Variants in LOXL2 observed in about 807,000 individuals in gnomAD.
The protein encoded by LOXL2 is lysyl oxidase homolog 2.
A neutral mutation model predicts 93.0 loss-of-function variants in LOXL2; 70 were observed. That is an observed-to-expected ratio of 0.75 (90% CI 0.62 to 0.92). LOXL2 has a LOEUF of 0.92. LOXL2 is among the 40% of genes least tolerant of loss of function. The probability of loss-of-function intolerance (pLI) is 0.00; values close to 1 mark genes in which losing one functional copy is unlikely to be tolerated. For synonymous variants in LOXL2, 438 were observed against 413.2 expected, an observed-to-expected ratio of 1.06 and a Z score of -0.73; for missense variants, 973 against 1,054.9, an observed-to-expected ratio of 0.92 and a Z score of 1.08.
chr8:23,360,277 A>C lies in LOXL2; in HGVS notation c.356-12T>G, dbSNP rs1563201699. The C allele has an allele frequency of 6.3e-7, 1 of 1,584,902 alleles. No individual in the cohort carries two copies. The highest frequency in any genetic ancestry group is 8.6e-7 in the Non-Finnish European group (1 of 1,158,044). ...TAACCAGATGGGCCCTGAAGGAGGC[A>C]GAGAGGAGAGAAACCAAGTGCTGCG... On this transcript the variant is annotated splice_polypyrimidine_tract_variant and intron_variant, in intron 2 of 13. Transcript: ENST00000389131.
intron 1 of LOXL2, among the ~76,000 whole-genome samples, chr8:23,381,551 T>TTTA (rs1441931886): frequency 6.6e-6 from 1 of 152,246 alleles, no homozygotes; most frequent in East Asian, 1.9e-4. Flanking sequence ...AAGCATTCTT[T>TTTA]TTATTACTAA....
intron 8 of LOXL2, among the ~76,000 whole-genome samples, chr8:23,318,529 C>T (rs553264526): frequency 5.9e-5 from 9 of 152,158 alleles, no homozygotes; most frequent in South Asian, 2.1e-4. Flanking sequence ...CCACCTCCAT[C>T]CTCCAGATGA....
chr8:23,398,262 C>T (rs1800119044), intron 1 of LOXL2, among the ~76,000 whole-genome samples: 1 of 152,138 alleles, frequency 6.6e-6, no homozygotes, highest in South Asian at 2.1e-4. Context: ...AGGCAAGTGG[C>T]ATCATTTTTG....
intron 3 of LOXL2, among the ~76,000 whole-genome samples, chr8:23,358,966 T>C (rs557753207): frequency 1.3e-5 from 2 of 152,022 alleles, no homozygotes; most frequent in African/African-American, 4.8e-5. Flanking sequence ...TTCAGCCTCC[T>C]GAGTAGCTGG....
At chr8:23,391,370 G>T (rs1030310123) in intron 1 of LOXL2, among the ~76,000 whole-genome samples, 10 of 152,156 alleles carry the variant, frequency 6.6e-5, no homozygotes, top group Non-Finnish European at 4.4e-5. Context: ...AAGAGTTTTA[G>T]GTTCTTCACG....
At chr8:23,369,160 A>G (rs762538186) in intron 1 of LOXL2, among the ~76,000 whole-genome samples, 1 of 152,088 alleles carries the variant, frequency 6.6e-6, no homozygotes, top group African/African-American at 2.4e-5. Context: ...ACCCCAAAAC[A>G]CTACAGGAAC....
chr8:23,307,712 G>A (rs916101119), intron 10 of LOXL2, among the ~76,000 whole-genome samples: 7 of 152,084 alleles, frequency 4.6e-5, no homozygotes, highest in East Asian at 1.9e-4. Flanking sequence ...CACGTTCCCC[G>A]AAGGGAGCCA....
In LOXL2 at chr8:23,328,511, C is replaced by A. The variant is rs753742902; in HGVS notation, c.1021G>T (p.Val341Leu). 1.4e-5 allele frequency: 23 copies of A among 1,613,994 alleles called. No individual in the cohort carries two copies. Among genetic ancestry groups the A allele is most frequent in the Middle Eastern group, 1.6e-4 (1 of 6,084 alleles). ...GTCCCCCATTCTCCATTTTTGAGCACCTCCACGCGGCCCTCCCCGATGTAG... is the reference window on the plus strand; with the variant it reads ...GTCCCCCATTCTCCATTTTTGAGCAACTCCACGCGGCCCTCCCCGATGTAG... Reference protein sequence around the residue: ...GAYIGEGRVEVLKNGEWGTVC... With the variant: ...GAYIGEGRVELLKNGEWGTVC... The change falls in exon 6 of 14, where the codon GTG becomes TTG. Residue 341 changes from valine to leucine, a missense_variant. Val to Leu is a conservative substitution (Grantham distance 32). Transcript: ENST00000389131.
chr8:23,392,609 G>C (rs552209191), intron 1 of LOXL2, among the ~76,000 whole-genome samples: 1 of 152,116 alleles, frequency 6.6e-6, no homozygotes, highest in African/African-American at 2.4e-5. Context: ...CCAGTGACAG[G>C]ATGTCTCCAT....
At chr8:23,322,005 A>G (rs1803504891) in intron 7 of LOXL2, 125 bp downstream of exon 7, 2 of 1,080,258 alleles carry the variant, frequency 1.9e-6, no homozygotes, top group Non-Finnish European at 1.4e-6. Context: ...GCAAATGCCA[A>G]GTGGCAATGT....
intron 2 of LOXL2, among the ~76,000 whole-genome samples, chr8:23,367,091 C>G (rs181181254): frequency 2.1e-3 from 323 of 152,296 alleles, no homozygotes; most frequent in Non-Finnish European, 3.5e-3. Context: ...CTCTGTCACC[C>G]AGGCTGGAGT....
Position 23,329,856 on chromosome 8 carries a change from C to A in LOXL2, c.967-1291G>T, listed in dbSNP as rs140206555. Among the ~76,000 whole-genome samples the A allele has an allele frequency of 9.5e-4, 145 of 152,300 alleles. 1 individual carries two copies. The highest frequency in any genetic ancestry group is 3.9e-3 in the South Asian group (19 of 4,826). Reference sequence around the variant, plus strand: ...CTACCTTCAGCGGGATGGCATCATACAAGAACCTGCCTCTCTACCAATTGT... The same window carrying A: ...CTACCTTCAGCGGGATGGCATCATAAAAGAACCTGCCTCTCTACCAATTGT... On this transcript the variant is annotated intron_variant, in intron 5 of 13. Transcript: ENST00000389131.
chr8:23,342,357 G>A (rs1029949099), intron 3 of LOXL2, among the ~76,000 whole-genome samples: 4 of 151,970 alleles, frequency 2.6e-5, no homozygotes, highest in Non-Finnish European at 4.4e-5. Flanking sequence ...CAGCTCTTGC[G>A]ACAGTCCCTG....
At chr8:23,339,335 C>A (rs762500135) in intron 4 of LOXL2, among the ~76,000 whole-genome samples, 3 of 152,200 alleles carry the variant, frequency 2.0e-5, no homozygotes, top group Non-Finnish European at 2.9e-5. Flanking sequence ...CCCACCACCC[C>A]CTCCTTGGAT....
At chr8:23,303,430 T>C in intron 10 of LOXL2, 33 bp from the exon 11 acceptor site, 1 of 1,291,178 alleles carries the variant, frequency 7.7e-7, no homozygotes. Flanking sequence ...TGGAGGTCAG[T>C]TTCTGGAGCA....
chr8:23,366,994 G>A (rs771795217), intron 2 of LOXL2, among the ~76,000 whole-genome samples: 5 of 152,064 alleles, frequency 3.3e-5, no homozygotes, highest in Non-Finnish European at 7.4e-5. Context: ...CTAGGTTCAG[G>A]GCTTCAAACT....
intron 1 of LOXL2, among the ~76,000 whole-genome samples, chr8:23,381,650 C>T (rs1387640317): frequency 6.6e-6 from 1 of 152,220 alleles, no homozygotes; most frequent in African/African-American, 2.4e-5. Context: ...CCTTATACCC[C>T]TTTTTCTACT....
chr8:23,332,907 C>T (rs1776028390), intron 5 of LOXL2, among the ~76,000 whole-genome samples: 1 of 142,638 alleles, frequency 7.0e-6, no homozygotes, highest in Admixed American at 7.1e-5. Context: ...TACACATACA[C>T]CCCCCCCACA....
At chr8:23,388,819 G>A (rs1214977493) in intron 1 of LOXL2, among the ~76,000 whole-genome samples, 4 of 152,056 alleles carry the variant, frequency 2.6e-5, no homozygotes, top group Admixed American at 1.3e-4. Flanking sequence ...GAGGGTAGGG[G>A]AAAAAAAGAC....
Sources: gnomAD v4.1 joint callset for allele counts (sites outside exome capture counted in the v4.1 genomes callset) on GRCh38, gnomAD v4.1.1 for gene constraint, MANE v1.5 for transcripts, NCBI Gene and HGNC (gene_info 2026-07-23, HGNC 2026-07-21) for gene names.